ABTB3: variants seen among roughly 807,000 people sequenced by gnomAD.
ABTB3 encodes the protein ankyrin repeat and BTB domain containing 3, also known as ankyrin repeat- and BTB/POZ domain-containing protein 3.
chr12:107,469,924 C>CTTTCTTTCTTTCTT, the ABTB3 span, among the ~76,000 whole-genome samples: 3 of 41,190 alleles, frequency 7.3e-5, no homozygotes, highest in East Asian at 8.1e-4. Context: ...CTTTCTTTCT[C>CTTTCTTTCTTTCTT]TCTCTCTCTC....
the ABTB3 span, among the ~76,000 whole-genome samples, chr12:107,600,291 A>G: frequency 6.6e-6 from 1 of 152,246 alleles, no homozygotes; most frequent in African/African-American, 2.4e-5. Context: ...TTTCTTCTGT[A>G]AAATGAGCAC....
the ABTB3 span, among the ~76,000 whole-genome samples, chr12:107,589,254 T>C: frequency 2.0e-5 from 3 of 152,208 alleles, no homozygotes; most frequent in African/African-American, 7.2e-5. Flanking sequence ...AATAGCCTCA[T>C]TGTCCTCTGA....
the ABTB3 span, among the ~76,000 whole-genome samples, chr12:107,540,950 C>T: frequency 6.6e-6 from 1 of 152,142 alleles, no homozygotes; most frequent in African/African-American, 2.4e-5. Context: ...TATGATCACC[C>T]TGCTGCACTC....
chr12:107,460,068 TC>T, the ABTB3 span, among the ~76,000 whole-genome samples: 2 of 152,238 alleles, frequency 1.3e-5, no homozygotes, highest in Non-Finnish European at 2.9e-5. Flanking sequence ...ATGGCTATTT[TC>T]TCAAGGGGCA....
At chr12:107,319,816 G>A in the ABTB3 span, 5 of 1,303,278 alleles carry the variant, frequency 3.8e-6, no homozygotes, top group African/African-American at 3.1e-5. Context: ...AGGCGCCCGG[G>A]GGAGGAGCGG....
At chr12:107,596,754 C>T in the ABTB3 span, among the ~76,000 whole-genome samples, 2 of 152,162 alleles carry the variant, frequency 1.3e-5, no homozygotes, top group Admixed American at 1.3e-4. Context: ...CCCTCCTTCC[C>T]TCCCTACTCT....
chr12:107,441,991 G>A, the ABTB3 span, among the ~76,000 whole-genome samples: 1 of 152,084 alleles, frequency 6.6e-6, no homozygotes, highest in African/African-American at 2.4e-5. Flanking sequence ...GGTATCTGGG[G>A]TATGTGCTTA....
At chr12:107,651,103 G>A in the ABTB3 span, among the ~76,000 whole-genome samples, 4 of 151,504 alleles carry the variant, frequency 2.6e-5, no homozygotes, top group South Asian at 2.1e-4. Context: ...CACATCTGTC[G>A]AGCATCTCCG....
At chr12:107,556,511 A>G in the ABTB3 span, among the ~76,000 whole-genome samples, 4 of 152,324 alleles carry the variant, frequency 2.6e-5, no homozygotes, top group African/African-American at 9.6e-5. Flanking sequence ...TTGAGTGCAG[A>G]GTTCACCCTC....
the ABTB3 span, among the ~76,000 whole-genome samples, chr12:107,443,802 G>A: frequency 6.6e-6 from 1 of 152,198 alleles, no homozygotes; most frequent in African/African-American, 2.4e-5. Flanking sequence ...CACAGCGTGG[G>A]GAGCCTGGTC....
chr12:107,509,916 C>A, the ABTB3 span, among the ~76,000 whole-genome samples: 1 of 152,212 alleles, frequency 6.6e-6, no homozygotes, highest in Non-Finnish European at 1.5e-5. Flanking sequence ...GTTTCAGAGA[C>A]CTTCACTTAG....
At chr12:107,647,914 T>C in the ABTB3 span, among the ~76,000 whole-genome samples, 1 of 152,182 alleles carries the variant, frequency 6.6e-6, no homozygotes, top group African/African-American at 2.4e-5. Context: ...CTTATTGTAC[T>C]TAGTGTCCTA....
At chr12:107,473,313 C>T in the ABTB3 span, among the ~76,000 whole-genome samples, 2 of 152,108 alleles carry the variant, frequency 1.3e-5, no homozygotes, top group Non-Finnish European at 2.9e-5. Context: ...TACCATTTCC[C>T]ACGTGTAATG....
chr12:107,435,599 T>TTGAA, the ABTB3 span, among the ~76,000 whole-genome samples: 13 of 152,240 alleles, frequency 8.5e-5, no homozygotes, highest in African/African-American at 2.9e-4. Flanking sequence ...TAACTATTTG[T>TTGAA]TGAATGAATG....
the ABTB3 span, among the ~76,000 whole-genome samples, chr12:107,542,303 C>G: frequency 1.6e-5 from 1 of 63,054 alleles, no homozygotes; most frequent in East Asian, 5.6e-4. Context: ...CAGAGCGAAA[C>G]TCTGTCTCAA....
chr12:107,504,446 T>C, the ABTB3 span, among the ~76,000 whole-genome samples: 1 of 152,204 alleles, frequency 6.6e-6, no homozygotes, highest in Non-Finnish European at 1.5e-5. Context: ...TTCAACTTAT[T>C]AAACATTCTA....
chr12:107,344,111 G>A, the ABTB3 span, among the ~76,000 whole-genome samples: 37 of 152,266 alleles, frequency 2.4e-4, no homozygotes, highest in African/African-American at 8.7e-4. Context: ...CAATATGGCT[G>A]CTACAGCTTC....
chr12:107,638,136 A>G, the ABTB3 span, among the ~76,000 whole-genome samples: 2 of 152,006 alleles, frequency 1.3e-5, no homozygotes, highest in African/African-American at 4.8e-5. Context: ...TACACAGGTG[A>G]TTTTTACCGT....
At chr12:107,424,421 C>T in the ABTB3 span, among the ~76,000 whole-genome samples, 1 of 152,174 alleles carries the variant, frequency 6.6e-6, no homozygotes, top group Non-Finnish European at 1.5e-5. Context: ...CTTGGAGATG[C>T]GGAGTGGATT....
Sources: gnomAD v4.1 joint callset for allele counts (sites outside exome capture counted in the v4.1 genomes callset) on GRCh38, gnomAD v4.1.1 for gene constraint, MANE v1.5 for transcripts, NCBI Gene and HGNC (gene_info 2026-07-23, HGNC 2026-07-21) for gene names.